Variants in AOPEP observed in about 807,000 individuals in gnomAD.
AOPEP encodes the protein aminopeptidase O (putative), also known as aminopeptidase O.
Under a neutral mutation model 98.1 loss-of-function variants are expected in AOPEP, and 77 were observed. The observed-to-expected ratio is 0.78, with a 90% CI of 0.65 to 0.95. AOPEP has a LOEUF of 0.95. Among genes scored for constraint, AOPEP ranks in the 40% least tolerant of loss-of-function variants. The pLI is 0.00. For missense variants in AOPEP, 1,024 were observed against 1,024.7 expected, an observed-to-expected ratio of 1.00 and a Z score of 0.01; for synonymous variants, 346 against 365.3, an observed-to-expected ratio of 0.95 and a Z score of 0.60.
chr9:94,773,011 T>G lies in AOPEP; in HGVS notation c.807T>G (p.Val269=), dbSNP rs745870783. ...WTSDQSGRPC[V]YTVGSPINNR... is the part of the protein sequence containing the mutation. The stretch of plus-strand genomic sequence containing the variant: ...TGTCTCTCTTCTGCAGGCCATGTGT[T>G]TATACTGTGGGATCTCCCATAAACA... Residue 269 remains valine, a synonymous_variant, in exon 3 of 17, where the codon GTT becomes GTG. Transcript: ENST00000375315. 1 of 1,611,442 alleles carries G rather than the reference T, an allele frequency of 6.2e-7. No homozygotes were observed. Among genetic ancestry groups the G allele is most frequent in the Non-Finnish European group, 8.5e-7 (1 of 1,178,740 alleles).
At chr9:95,107,476 G>T in the AOPEP span, 2 of 630,436 alleles carry the variant, frequency 3.2e-6, no homozygotes, top group Admixed American at 5.0e-5. Context: ...CTTTCGTCTT[G>T]CTCACCAAGC....
chr9:94,878,166 A>C (rs2047179593), intron 5 of AOPEP, among the ~76,000 whole-genome samples: 2 of 151,604 alleles, frequency 1.3e-5, no homozygotes, highest in African/African-American at 2.4e-5. Flanking sequence ...TTGGGATAAA[A>C]GATTAGAGGA....
At chr9:94,979,047 T>C (rs2060018489) in intron 10 of AOPEP, among the ~76,000 whole-genome samples, 1 of 152,176 alleles carries the variant, frequency 6.6e-6, no homozygotes, top group Non-Finnish European at 1.5e-5. Flanking sequence ...CCATGCCTGA[T>C]GTGTGCGATG....
the AOPEP span, among the ~76,000 whole-genome samples, chr9:95,121,922 A>G: frequency 6.6e-6 from 1 of 151,578 alleles, no homozygotes; most frequent in Non-Finnish European, 1.5e-5. Context: ...CAGTGGCGCA[A>G]TCTCAGCTCA....
chr9:94,732,715 T>C (rs566717990), intron 1 of AOPEP, among the ~76,000 whole-genome samples: 14 of 152,206 alleles, frequency 9.2e-5, no homozygotes, highest in Non-Finnish European at 2.1e-4. Flanking sequence ...GAGAAATGGG[T>C]TGTTCTCTCC....
intron 3 of AOPEP, among the ~76,000 whole-genome samples, chr9:94,775,173 A>G (rs977146107): frequency 1.3e-5 from 2 of 152,026 alleles, no homozygotes; most frequent in Non-Finnish European, 2.9e-5. Flanking sequence ...TGATATTTTT[A>G]TAGTTTAATT....
chr9:95,082,834 G>A (rs774112232), intron 16 of AOPEP, 115 bp downstream of exon 16: 90 of 1,228,526 alleles, frequency 7.3e-5, no homozygotes, highest in Non-Finnish European at 9.6e-5. Context: ...ATCAATAGTC[G>A]GCTCCCTGGC....
chr9:95,133,096 C>T, the AOPEP span, among the ~76,000 whole-genome samples: 2 of 152,210 alleles, frequency 1.3e-5, no homozygotes, highest in Non-Finnish European at 2.9e-5. Flanking sequence ...TGTCACTGCA[C>T]CAAGATACTG....
At chr9:95,051,070 A>C (rs951704803) in intron 13 of AOPEP, among the ~76,000 whole-genome samples, 4 of 149,158 alleles carry the variant, frequency 2.7e-5, no homozygotes, top group African/African-American at 9.8e-5. Flanking sequence ...TGTTATCTCT[A>C]AAATGTTTTT....
rs554583482 is a variant in AOPEP, at chr9:94,833,395, A to G, written c.1364+32393A>G. ...TGGGATTACAGGTGTGTGCCACCACACTCAGCTAATTTTGTATTTTTAGTA... is the reference window on the plus strand; with the variant it reads ...TGGGATTACAGGTGTGTGCCACCACGCTCAGCTAATTTTGTATTTTTAGTA... On this transcript the variant is annotated intron_variant, in intron 5 of 16. Coordinates refer to ENST00000375315, the MANE Select transcript of AOPEP (RefSeq NM_001193329.3). 5.6e-4 allele frequency among the ~76,000 whole-genome samples: 84 copies of G among 150,538 alleles called. 2 individuals are homozygous for G. The highest frequency in any genetic ancestry group is 1.2e-3 in the Non-Finnish European group (79 of 67,728).
chr9:94,869,442 T>G (rs1190063717), intron 5 of AOPEP, among the ~76,000 whole-genome samples: 2 of 152,172 alleles, frequency 1.3e-5, no homozygotes, highest in African/African-American at 2.4e-5. Context: ...GAGGCTGTAT[T>G]TAACCAAAAA....
intron 13 of AOPEP, among the ~76,000 whole-genome samples, chr9:95,052,833 T>C (rs2066497940): frequency 6.6e-6 from 1 of 152,234 alleles, no homozygotes; most frequent in Admixed American, 6.5e-5. Context: ...CCTAAAAACC[T>C]GAGCATGTGA....
chr9:95,091,373 A>C (rs2070864571), downstream of AOPEP, among the ~76,000 whole-genome samples: 2 of 152,176 alleles, frequency 1.3e-5, no homozygotes, highest in African/African-American at 4.8e-5. Context: ...CATTCCCCAG[A>C]ATAAGCGGGG....
At chr9:94,944,225 A>G (rs2057371173) in intron 7 of AOPEP, among the ~76,000 whole-genome samples, 1 of 152,196 alleles carries the variant, frequency 6.6e-6, no homozygotes, top group Non-Finnish European at 1.5e-5. Context: ...GAGTGACCAT[A>G]TAACCCTGCA....
At chr9:94,976,750 T>C (rs573991635) in intron 10 of AOPEP, among the ~76,000 whole-genome samples, 52 of 151,100 alleles carry the variant, frequency 3.4e-4, no homozygotes, top group African/African-American at 1.2e-3. Context: ...CACTGCAACC[T>C]CTGCCTCCCA....
the AOPEP span, chr9:95,111,543 C>T: frequency 1.5e-4 from 241 of 1,614,026 alleles, no homozygotes; most frequent in Non-Finnish European, 1.9e-4. Context: ...GTGGGGGGTT[C>T]GGCTGCCGAC....
At chr9:94,989,853 C>T (rs1052605567) in intron 11 of AOPEP, among the ~76,000 whole-genome samples, 1 of 152,000 alleles carries the variant, frequency 6.6e-6, no homozygotes, top group African/African-American at 2.4e-5. Flanking sequence ...TTGTGATCCG[C>T]CCGCCTCGGC....
chr9:95,125,689 T>C, the AOPEP span, among the ~76,000 whole-genome samples: 2 of 152,252 alleles, frequency 1.3e-5, no homozygotes, highest in African/African-American at 4.8e-5. Context: ...TCTCAAATTT[T>C]GCTAGCTTTA....
At chr9:95,013,104 C>T (rs960515256) in intron 13 of AOPEP, among the ~76,000 whole-genome samples, 3 of 151,510 alleles carry the variant, frequency 2.0e-5, no homozygotes, top group South Asian at 2.1e-4. Context: ...GAGTTTGTCA[C>T]GTGACCTTTG....
Sources: gnomAD v4.1 joint callset for allele counts (sites outside exome capture counted in the v4.1 genomes callset) on GRCh38, gnomAD v4.1.1 for gene constraint, MANE v1.5 for transcripts, NCBI Gene and HGNC (gene_info 2026-07-23, HGNC 2026-07-21) for gene names.